Variants in EYS observed in about 807,000 individuals in gnomAD.
The protein encoded by EYS is EGF-like photoreceptor maintenance factor.
In EYS, 250 loss-of-function variants were observed where a neutral mutation model predicts 282.1. The ratio of observed to expected loss-of-function variants is 0.89; its 90% CI spans 0.80 to 0.98. EYS has a LOEUF of 0.98. EYS is among the 50% of genes least tolerant of loss of function. The pLI is 0.00. For missense variants in EYS, 4,016 were observed against 3,709.0 expected (o/e 1.08, Z -2.15); for synonymous variants, 1,355 against 1,282.9 (o/e 1.06, Z -1.20).
chr6:65,413,155 AT>A (rs1767090938), intron 5 of EYS, among the ~76,000 whole-genome samples: 1 of 152,202 alleles, frequency 6.6e-6, no homozygotes, highest in African/African-American at 2.4e-5. Context: ...ATGATCATAT[AT>A]GCCTAGACCC....
chr6:64,650,450 G>T (rs765660548), intron 22 of EYS, among the ~76,000 whole-genome samples: 1 of 151,834 alleles, frequency 6.6e-6, no homozygotes, highest in Admixed American at 6.6e-5. Context: ...ACCCCAAAAA[G>T]AAATAAATAA....
intron 35 of EYS, among the ~76,000 whole-genome samples, chr6:63,930,602 T>G (rs950315085): frequency 6.6e-6 from 1 of 152,148 alleles, no homozygotes; most frequent in African/African-American, 2.4e-5. Context: ...TTATTTTAGA[T>G]ATAAAAATGT....
intron 12 of EYS, among the ~76,000 whole-genome samples, chr6:65,272,723 C>A (rs1245605368): frequency 6.6e-6 from 1 of 152,058 alleles, no homozygotes; most frequent in East Asian, 1.9e-4. Context: ...GTAATGAATA[C>A]ATTAATGTTA....
At chr6:63,847,999 C>T (rs533895718) in intron 36 of EYS, among the ~76,000 whole-genome samples, 2 of 152,268 alleles carry the variant, frequency 1.3e-5, no homozygotes, top group East Asian at 3.9e-4. Context: ...ATACATAATG[C>T]AATTTGAAGC....
In EYS at chr6:63,778,193, CA is replaced by C. The variant is rs750831969; in HGVS notation, c.7724-14del. On this transcript the variant is annotated splice_polypyrimidine_tract_variant and intron_variant, in intron 39 of 42. Transcript: ENST00000503581. The stretch of plus-strand genomic sequence containing the variant: ...GTGAAAATACAGCCTTGAAGAAATG[CA>C]AAAACACTTCGTGTTAACAAACAGA... 2.6e-6 allele frequency: 4 copies of C among 1,550,050 alleles called. No homozygotes were observed. The South Asian group carries it at 4.8e-5, about 18-fold the overall frequency.
chr6:65,275,520 T>C (rs1768021511), intron 12 of EYS, among the ~76,000 whole-genome samples: 1 of 152,178 alleles, frequency 6.6e-6, no homozygotes, highest in Admixed American at 6.5e-5. Flanking sequence ...CTTCTCTCTT[T>C]GAGCCTGCAT....
intron 12 of EYS, among the ~76,000 whole-genome samples, chr6:65,265,239 C>T (rs900289251): frequency 6.6e-6 from 1 of 151,934 alleles, no homozygotes; most frequent in Non-Finnish European, 1.5e-5. Flanking sequence ...CCCTCAGGAT[C>T]CAAAATAAAA....
chr6:65,026,605 C>G (rs1404313871), intron 13 of EYS, among the ~76,000 whole-genome samples: 1 of 152,098 alleles, frequency 6.6e-6, no homozygotes, highest in African/African-American at 2.4e-5. Context: ...TTGGAAAATA[C>G]TGTCAAGAAA....
intron 40 of EYS, among the ~76,000 whole-genome samples, chr6:63,765,293 C>T (rs1268575967): frequency 6.6e-6 from 1 of 151,842 alleles, no homozygotes; most frequent in East Asian, 1.9e-4. Flanking sequence ...AGTAAGGAGA[C>T]AATTTTAATA....
chr6:64,529,039 T>G (rs1778014338), intron 26 of EYS, among the ~76,000 whole-genome samples: 1 of 152,042 alleles, frequency 6.6e-6, no homozygotes, highest in African/African-American at 2.4e-5. Context: ...TATTAGATCC[T>G]AAAACGGTTT....
At chr6:64,569,539 A>T (rs1765657057) in intron 26 of EYS, among the ~76,000 whole-genome samples, 1 of 152,056 alleles carries the variant, frequency 6.6e-6, no homozygotes, top group Non-Finnish European at 1.5e-5. Flanking sequence ...CAGGAGATCA[A>T]GACCATCCTG....
intron 7 of EYS, among the ~76,000 whole-genome samples, chr6:65,397,662 GGAC>G (rs1370384661): frequency 3.4e-5 from 5 of 148,482 alleles, no homozygotes; most frequent in African/African-American, 2.5e-5. Flanking sequence ...ATCCATTGAT[GGAC>G]ACTTAGGCTG....
chr6:64,761,057 A>G (rs1010535930), intron 22 of EYS, among the ~76,000 whole-genome samples: 17 of 152,214 alleles, frequency 1.1e-4, no homozygotes, highest in South Asian at 2.1e-4. Context: ...TTTTTCTACC[A>G]TCAGTGGATT....
chr6:64,024,668 C>T (rs1562158333), intron 33 of EYS, among the ~76,000 whole-genome samples: 1 of 151,954 alleles, frequency 6.6e-6, no homozygotes, highest in Non-Finnish European at 1.5e-5. Context: ...GCAGCTTCAC[C>T]CCTGAAGCTA....
intron 23 of EYS, among the ~76,000 whole-genome samples, chr6:64,618,004 A>C (rs1322866281): frequency 3.3e-5 from 5 of 152,164 alleles, no homozygotes; most frequent in Non-Finnish European, 5.9e-5. Context: ...GTAGTATTAC[A>C]GTTAGTATTT....
intron 33 of EYS, among the ~76,000 whole-genome samples, chr6:64,003,707 A>G (rs1362562995): frequency 2.0e-5 from 3 of 152,188 alleles, no homozygotes; most frequent in Admixed American, 2.0e-4. Context: ...CACAAATCCC[A>G]TCTTGAATTG....
At chr6:65,317,853 T>C (rs187138857) in intron 11 of EYS, among the ~76,000 whole-genome samples, 1,044 of 44,914 alleles carry the variant, frequency 0.023, 13 homozygotes, top group East Asian at 0.13. Flanking sequence ...TTTCTTTCTT[T>C]CTTTCTTTCT....
rs1349879153 is a variant in EYS at position 63,721,795 on chromosome 6, C to A, written c.8236G>T (p.Asp2746Tyr). ...TTTACTAAAGAGATGCATAAAAAATCACCTGCAAGAAAGCAAACAGTAAGT... is the reference window on the plus strand; with the variant it reads ...TTTACTAAAGAGATGCATAAAAAATAACCTGCAAGAAAGCAAACAGTAAGT... ...AAQHLKAQSGDFLCISLVNSS... is the reference protein window; with the variant it reads ...AAQHLKAQSGYFLCISLVNSS... Residue 2746 changes from aspartate (D) to tyrosine (Y), a missense_variant and splice_region_variant, in exon 43 of 43, where the codon GAT becomes TAT. Asp to Tyr is a radical substitution (Grantham distance 160, BLOSUM62 -3). Coordinates refer to ENST00000503581, the MANE Select transcript of EYS (RefSeq NM_001142800.2). 9.7e-6 allele frequency: 15 copies of A among 1,538,980 alleles called. 1 individual carries two copies. In the South Asian group the frequency reaches 1.6e-4, roughly 16 times the overall value.
chr6:64,746,234 T>A (rs1562168093), intron 22 of EYS, among the ~76,000 whole-genome samples: 2 of 151,994 alleles, frequency 1.3e-5, no homozygotes, highest in Admixed American at 1.3e-4. Flanking sequence ...AAGCGATGTT[T>A]AGGCCATAAG....
Sources: gnomAD v4.1 joint callset for allele counts (sites outside exome capture counted in the v4.1 genomes callset) on GRCh38, gnomAD v4.1.1 for gene constraint, MANE v1.5 for transcripts, NCBI Gene and HGNC (gene_info 2026-07-23, HGNC 2026-07-21) for gene names.